Variants in HAUS3 observed in about 807,000 individuals in gnomAD.
The protein encoded by HAUS3 is HAUS augmin-like complex subunit 3.
In HAUS3, 36 loss-of-function variants were observed where a neutral mutation model predicts 55.2. That is an observed-to-expected ratio of 0.65 (90% CI 0.50 to 0.86). The LOEUF (loss-of-function observed/expected upper bound fraction) is 0.86. HAUS3 is among the 40% of genes least tolerant of loss of function. The pLI, the probability that HAUS3 is intolerant of heterozygous loss-of-function variation, is 0.00. For synonymous variants in HAUS3, 234 were observed against 238.6 expected, an observed-to-expected ratio of 0.98 and a Z score of 0.18; for missense variants, 752 against 671.5, an observed-to-expected ratio of 1.12 and a Z score of -1.33.
At chr4:2,235,691 T>G (rs866012613) in intron 5 of HAUS3, among the ~76,000 whole-genome samples, 2 of 152,178 alleles carry the variant, frequency 1.3e-5, no homozygotes, top group Non-Finnish European at 2.9e-5. Context: ...CCACCACCAG[T>G]ATAATAACAG....
chr4:2,232,284 A>G (rs961304566), intron 5 of HAUS3, 124 bp from the exon 6 acceptor site: 2 of 505,172 alleles, frequency 4.0e-6, no homozygotes, highest in Non-Finnish European at 6.9e-6. Flanking sequence ...TTTTAGCAAT[A>G]AATAAACCTC....
At position 2,236,287 on chromosome 4, in the gene HAUS3, C is replaced by T. The variant is rs769193837; in HGVS notation, c.1519G>A (p.Val507Met). The change falls in exon 5 of 6, where the codon GTG (valine) becomes ATG (methionine). Residue 507 changes from valine to methionine, a missense_variant. By Grantham distance (21) the Val-to-Met change is conservative. Transcript: ENST00000443786. ...SFFLSKRNKD[V>M]DMLCDTLYQG... is the part of the protein sequence containing the mutation. ...TACAAAGTATCACAAAGCATGTCCA[C>T]ATCCTTATTCCGTTTGGACAGAAAG... The T allele has an allele frequency of 1.2e-6, 2 of 1,613,678 alleles. No homozygotes were observed. The highest frequency in any genetic ancestry group is 1.1e-5 in the South Asian group (1 of 91,074).
rs767387633 is a variant in HAUS3, at chr4:2,240,488, T to A, written c.459A>T (p.Gly153=). ...TCTTAGTGATCATTGCATTTAGAAT[T>A]CCTTGACTCTGCTTCAGCTTTTTAG... ...EATKKLKQSQ[G]ILNAMITKIS... is the part of the protein sequence containing the mutation. The change falls in exon 3 of 6, where the codon GGA becomes GGT. Residue 153 remains glycine (G), a synonymous_variant. Coordinates refer to ENST00000443786, the MANE Select transcript of HAUS3 (RefSeq NM_001303143.2). 10 of 1,613,754 alleles carry A rather than the reference T, an allele frequency of 6.2e-6. No individual in the cohort carries two copies. The highest frequency in any genetic ancestry group is 7.6e-6 in the Non-Finnish European group (9 of 1,179,962).
Position 2,228,900 on chromosome 4 carries a change from A to T in HAUS3, c.*3027T>A. On this transcript the variant is annotated 3_prime_UTR_variant, in exon 6 of 6. Transcript: ENST00000443786. ...CAGAAATACCTGGAATAAGGAAGAG[A>T]GTGTTACATTTTTAAAGCAATGAAG... is the stretch of plus-strand genomic sequence containing the variant. 1 of 444,530 alleles carries T rather than the reference A, an allele frequency of 2.2e-6. No individual in the cohort carries two copies. Among genetic ancestry groups the T allele is most frequent in the East Asian group, 3.6e-5 (1 of 27,872 alleles). 27.5% of individuals were successfully genotyped at this position (444,530 alleles called of 1,614,324 possible).
intron 4 of HAUS3, among the ~76,000 whole-genome samples, chr4:2,237,880 A>T (rs1734821823): frequency 6.6e-6 from 1 of 152,184 alleles, no homozygotes; most frequent in Admixed American, 6.5e-5. Flanking sequence ...TTCAATCCCA[A>T]AGCTGCCAAT....
At position 2,232,023 on chromosome 4, in the gene HAUS3, G is replaced by A; in HGVS notation, c.1716C>T (p.Phe572=). The change falls in exon 6 of 6, where the codon TTC becomes TTT. Residue 572 remains phenylalanine, a synonymous_variant. Coordinates refer to ENST00000443786, the MANE Select transcript of HAUS3 (RefSeq NM_001303143.2). ...NNKLHQMERE[F]YVYFLKDEDY... is the part of the protein sequence containing the mutation. ...CTTCATCTTTTAAAAAATATACATAGAATTCTCTTTCCATTTGATGTAATT... is the reference window on the plus strand; with the variant it reads ...CTTCATCTTTTAAAAAATATACATAAAATTCTCTTTCCATTTGATGTAATT... 6.6e-7 allele frequency: 1 copy of A among 1,506,466 alleles called. No homozygotes were observed. The highest frequency in any genetic ancestry group is 9.2e-7 in the Non-Finnish European group (1 of 1,089,366). 93.3% of individuals were successfully genotyped at this position (1,506,466 alleles called of 1,614,324 possible). A position where few individuals can be genotyped will look rare whatever the true frequency, so the allele number is the denominator to read the frequency against.
chr4:2,239,025 A>T lies in HAUS3; in HGVS notation c.928T>A (p.Leu310Met). The T allele has an allele frequency of 1.3e-6, 2 of 1,532,904 alleles. No homozygotes were observed. Among genetic ancestry groups the T allele is most frequent in the Non-Finnish European group, 1.7e-6 (2 of 1,146,030 alleles). The allele number at this position is 1,532,904 out of a possible 1,614,324, so 95.0% of individuals were successfully genotyped here. The change falls in exon 4 of 6, where the codon TTG becomes ATG. Residue 310 changes from leucine (L) to methionine (M), a missense_variant. By Grantham distance (15) the Leu-to-Met change is conservative. Coordinates refer to ENST00000443786, the MANE Select transcript of HAUS3 (RefSeq NM_001303143.2). ...LTSKAVDKEN[L>M]DAKISSLTSE... Reference sequence around the variant, plus strand: ...GTCAAGCTAGAAATTTTAGCATCCAAATTTTCTTTGTCCACAGCCTATACA... The same window carrying T: ...GTCAAGCTAGAAATTTTAGCATCCATATTTTCTTTGTCCACAGCCTATACA...
chr4:2,239,568 G>A (rs1333361171), intron 3 of HAUS3, among the ~76,000 whole-genome samples: 2 of 152,160 alleles, frequency 1.3e-5, no homozygotes, highest in Non-Finnish European at 2.9e-5. Flanking sequence ...CTCCAAGAGT[G>A]CAGACAGACA....
Position 2,240,844 on chromosome 4 carries a change from C to T in HAUS3, c.103G>A (p.Glu35Lys), listed in dbSNP as rs1223940969. 1.2e-6 allele frequency: 2 copies of T among 1,613,302 alleles called. No homozygotes were observed. The highest frequency in any genetic ancestry group is 1.7e-6 in the Non-Finnish European group (2 of 1,179,978). Residue 35 changes from glutamate (E) to lysine (K), a missense_variant, in exon 3 of 6, where the codon GAA (glutamate) becomes AAA (lysine). Coordinates refer to ENST00000443786, the MANE Select transcript of HAUS3 (RefSeq NM_001303143.2). ...AACCACTTCAGAAACGATTCATCTTCAACGCCCTCAAACAACCAGTCAAAG... is the reference window on the plus strand; with the variant it reads ...AACCACTTCAGAAACGATTCATCTTTAACGCCCTCAAACAACCAGTCAAAG... Reference protein sequence around the residue: ...EDFDWLFEGVEDESFLKWFCG... With the variant: ...EDFDWLFEGVKDESFLKWFCG...
Position 2,236,281 on chromosome 4 carries a change from T to C in HAUS3, c.1525A>G (p.Met509Val). The change falls in exon 5 of 6, where the codon ATG becomes GTG. Residue 509 changes from methionine (M) to valine (V), a missense_variant. Transcript: ENST00000443786. ...FLSKRNKDVD[M>V]LCDTLYQGGN... is the part of the protein sequence containing the mutation. Reference sequence around the variant, plus strand: ...CCTTGATACAAAGTATCACAAAGCATGTCCACATCCTTATTCCGTTTGGAC... The same window carrying C: ...CCTTGATACAAAGTATCACAAAGCACGTCCACATCCTTATTCCGTTTGGAC... 6.2e-7 allele frequency: 1 copy of C among 1,613,826 alleles called. No homozygotes were observed. The highest frequency in any genetic ancestry group is 8.5e-7 in the Non-Finnish European group (1 of 1,179,906).
intron 4 of HAUS3, among the ~76,000 whole-genome samples, chr4:2,237,946 T>C (rs1436991183): frequency 6.6e-6 from 1 of 152,202 alleles, no homozygotes; most frequent in Non-Finnish European, 1.5e-5. Context: ...TAGATCATAA[T>C]GTCAGTGGTA....
At chr4:2,236,858 G>A (rs1306084089) in intron 4 of HAUS3, among the ~76,000 whole-genome samples, 1 of 150,288 alleles carries the variant, frequency 6.7e-6, no homozygotes, top group Non-Finnish European at 1.5e-5. Flanking sequence ...GTGAGACTCC[G>A]TCTCCAAATA....
intron 3 of HAUS3, 116 bp from the exon 4 acceptor site, chr4:2,239,159 T>G (rs916585372): frequency 5.6e-6 from 3 of 535,532 alleles, no homozygotes; most frequent in South Asian, 7.9e-5. Context: ...GAATGAAAAC[T>G]AATTTAATAT....
chr4:2,235,898 T>C (rs1734746660), intron 5 of HAUS3, among the ~76,000 whole-genome samples: 1 of 152,168 alleles, frequency 6.6e-6, no homozygotes, highest in African/African-American at 2.4e-5. Context: ...ACAGAGGATT[T>C]TAAAGCTATA....
In HAUS3 at chr4:2,229,000, C is replaced by T. The variant is rs991847125; in HGVS notation, c.*2927G>A. The T allele has an allele frequency of 1.6e-6, 2 of 1,214,510 alleles. No individual in the cohort carries two copies. Among genetic ancestry groups the T allele is most frequent in the Non-Finnish European group, 2.3e-6 (2 of 875,850 alleles). 75.2% of individuals were successfully genotyped at this position (1,214,510 alleles called of 1,614,324 possible). A position where few individuals can be genotyped will look rare whatever the true frequency, so the allele number is the denominator to read the frequency against. On this transcript the variant is annotated 3_prime_UTR_variant, in exon 6 of 6. Transcript: ENST00000443786. ...GAGTGTAAAAGGGGCGGGAGCTGGG[C>T]TTCATCTGTCTACATGCATTCCATT... is the stretch of plus-strand genomic sequence containing the variant.
chr4:2,231,813 T>C lies in HAUS3; in HGVS notation c.*114A>G. The C allele has an allele frequency of 1.6e-6, 1 of 608,782 alleles. No homozygotes were observed. The highest frequency in any genetic ancestry group is 2.9e-6 in the Non-Finnish European group (1 of 343,182). 37.7% of individuals were successfully genotyped at this position (608,782 alleles called of 1,614,324 possible). A position where few individuals can be genotyped will look rare whatever the true frequency, so the allele number is the denominator to read the frequency against. The stretch of plus-strand genomic sequence containing the variant: ...CAAATTAATATAATAGTTCAATTCA[T>C]CAAATTAAATGTTCCATTGACCTCA... On this transcript the variant is annotated 3_prime_UTR_variant, in exon 6 of 6. Coordinates refer to ENST00000443786, the MANE Select transcript of HAUS3 (RefSeq NM_001303143.2).
In HAUS3 at chr4:2,230,441, T is replaced by C. The variant is rs1734539308; in HGVS notation, c.*1486A>G. On this transcript the variant is annotated 3_prime_UTR_variant, in exon 6 of 6. Transcript: ENST00000443786. Reference sequence around the variant, plus strand: ...ATAAAAATTTTAAGTAAATTCTCTATTCCGAAATAGAATAGAAAAAAACAT... The same window carrying C: ...ATAAAAATTTTAAGTAAATTCTCTACTCCGAAATAGAATAGAAAAAAACAT... 6.6e-6 allele frequency: 1 copy of C among 152,088 alleles called. No homozygotes were observed. Among genetic ancestry groups the C allele is most frequent in the Non-Finnish European group, 1.5e-5 (1 of 68,032 alleles). 9.4% of individuals were successfully genotyped at this position (152,088 alleles called of 1,614,324 possible).
rs201739481 is a variant in HAUS3 at position 2,237,914 on chromosome 4, AATTCC to A, written c.1349+685_1349+689del. Among the ~76,000 whole-genome samples the A allele has an allele frequency of 2.8e-3, 429 of 152,308 alleles. 2 individuals carry two copies. The highest frequency in any genetic ancestry group is 9.5e-3 in the African/African-American group (397 of 41,574). On this transcript the variant is annotated intron_variant, in intron 4 of 5. Coordinates refer to ENST00000443786, the MANE Select transcript of HAUS3 (RefSeq NM_001303143.2). ...ATTAGTCTTATAGATGTAACTACAC[AATTCC>A]AGGGGTATCATTCACATAGATCATA...
At chr4:2,238,486 G>A in intron 4 of HAUS3, 118 bp downstream of exon 4, 1 of 565,284 alleles carries the variant, frequency 1.8e-6, no homozygotes, top group Non-Finnish European at 2.9e-6. Context: ...AAATAGAAAG[G>A]CCAAAAGTGA....
Sources: gnomAD v4.1 joint callset for allele counts (sites outside exome capture counted in the v4.1 genomes callset) on GRCh38, gnomAD v4.1.1 for gene constraint, MANE v1.5 for transcripts, NCBI Gene and HGNC (gene_info 2026-07-23, HGNC 2026-07-21) for gene names.